Variants in PCDHA10 observed in about 807,000 individuals in gnomAD.
PCDHA10 encodes protocadherin alpha 10.
PCDHA10 carries 45 observed loss-of-function variants against 61.2 expected under a neutral mutation model. That is an observed-to-expected ratio of 0.74 (90% CI 0.58 to 0.94). PCDHA10 has a LOEUF of 0.94. PCDHA10 is among the 40% of genes least tolerant of loss of function. The probability of loss-of-function intolerance (pLI) is 0.00; values close to 1 mark genes in which losing one functional copy is unlikely to be tolerated. For synonymous variants in PCDHA10, 602 were observed against 548.8 expected (o/e 1.10, Z -1.35); for missense variants, 1,278 against 1,236.2 (o/e 1.03, Z -0.51).
rs2098422801 is a variant in PCDHA10, at chr5:141,012,055, C to T, written c.*2118C>T. On this transcript the variant is annotated 3_prime_UTR_variant, in exon 4 of 4. Coordinates refer to ENST00000307360, the MANE Select transcript of PCDHA10 (RefSeq NM_018901.4). ...GGATTGCATGGGGTAAAACTTGTTA[C>T]CAACACATGTGAACCATTGCTACAT... The T allele has an allele frequency of 6.5e-6, 1 of 153,666 alleles. No individual in the cohort carries two copies. Among genetic ancestry groups the T allele is most frequent in the African/African-American group, 2.4e-5 (1 of 41,404 alleles). 9.5% of individuals were successfully genotyped at this position (153,666 alleles called of 1,614,324 possible).
intron 1 of PCDHA10, among the ~76,000 whole-genome samples, chr5:140,951,625 A>T (rs2094607568): frequency 6.6e-6 from 1 of 152,114 alleles, no homozygotes; most frequent in African/African-American, 2.4e-5. Flanking sequence ...CAAGGGGGAA[A>T]CCTGCCCCAT....
intron 3 of PCDHA10, among the ~76,000 whole-genome samples, chr5:141,007,792 C>A (rs2098346636): frequency 6.6e-6 from 1 of 152,166 alleles, no homozygotes. Flanking sequence ...TACAAATTAG[C>A]CTTTATCTGC....
intron 3 of PCDHA10, among the ~76,000 whole-genome samples, chr5:140,996,245 G>A (rs2097718426): frequency 6.6e-6 from 1 of 152,220 alleles, no homozygotes; most frequent in South Asian, 2.1e-4. Context: ...AGGCTGAGAA[G>A]TGACAGCAAC....
Position 140,857,783 on chromosome 5 carries a change from C to G in PCDHA10, c.1735C>G (p.Leu579Val). The G allele has an allele frequency of 1.3e-6, 2 of 1,597,710 alleles. No homozygotes were observed. The highest frequency in any genetic ancestry group is 1.7e-4 in the Middle Eastern group (1 of 5,794). ...CAGCGCGGGCGGTGCAGTCAGTGAG[C>G]TGGTGCTGCGGTCGGTGGTTGCGGG... Reference protein sequence around the residue: ...AGSAGGAVSELVLRSVVAGHV... With the variant: ...AGSAGGAVSEVVLRSVVAGHV... Residue 579 changes from leucine (L) to valine (V), a missense_variant, in exon 1 of 4, where the codon CTG (leucine) becomes GTG (valine). Physicochemically the swap from Leu to Val is conservative, Grantham distance 32. Coordinates refer to ENST00000307360, the MANE Select transcript of PCDHA10 (RefSeq NM_018901.4).
intron 3 of PCDHA10, among the ~76,000 whole-genome samples, chr5:140,997,836 A>G (rs1335199291): frequency 3.3e-5 from 5 of 152,222 alleles, no homozygotes; most frequent in South Asian, 4.1e-4. Flanking sequence ...AAACAATACA[A>G]TATACATTCT....
At chr5:140,945,954 A>G (rs187878503) in intron 1 of PCDHA10, among the ~76,000 whole-genome samples, 130 of 152,264 alleles carry the variant, frequency 8.5e-4, no homozygotes, top group Non-Finnish European at 1.6e-3. Flanking sequence ...ATGACCCTGA[A>G]AGCACAGGCA....
chr5:140,924,872 G>A (rs1161649938), intron 1 of PCDHA10, among the ~76,000 whole-genome samples: 2 of 149,350 alleles, frequency 1.3e-5, no homozygotes, highest in South Asian at 2.1e-4. Context: ...TCCAGCCTGG[G>A]TGACAGAGCA....
At chr5:140,958,925 G>T (rs980567381) in intron 1 of PCDHA10, among the ~76,000 whole-genome samples, 1 of 144,748 alleles carries the variant, frequency 6.9e-6, no homozygotes, top group African/African-American at 2.6e-5. Flanking sequence ...GGGTGTGGTG[G>T]CTCATACTTG....
chr5:140,870,186 C>T (rs1362653742), intron 1 of PCDHA10: 7 of 1,614,152 alleles, frequency 4.3e-6, no homozygotes, highest in Non-Finnish European at 5.9e-6. Flanking sequence ...TACGAGAGGA[C>T]GCTCAGCCCA....
In PCDHA10 at chr5:141,005,071, G is replaced by A. The variant is rs115656219; in HGVS notation, c.2537-4556G>A. On this transcript the variant is annotated intron_variant, in intron 3 of 3. Coordinates refer to ENST00000307360, the MANE Select transcript of PCDHA10 (RefSeq NM_018901.4). ...TACTGAATTCTTGCATTGTGCTAAG[G>A]ATCAAGCTTAGTACTTTACATGCAT... 5.2e-3 allele frequency among the ~76,000 whole-genome samples: 796 copies of A among 152,278 alleles called. 8 individuals are homozygous for A. The highest frequency in any genetic ancestry group is 0.018 in the African/African-American group (745 of 41,556).
Position 140,857,146 on chromosome 5 carries a change from CGTCATTGCCCT to C in PCDHA10, c.1099_1109del (p.Val367AsnfsTer5). 1 of 1,598,132 alleles carries C rather than the reference CGTCATTGCCCT, an allele frequency of 6.3e-7. No homozygotes were observed. Among genetic ancestry groups the C allele is most frequent in the Non-Finnish European group, 8.6e-7 (1 of 1,167,626 alleles). Reference sequence around the variant, plus strand: ...TGAAAGAAGATGCTCAAGTGGGCACCGTCATTGCCCTAATCAGCGTTTCTGACCATGATTCA... The same window carrying C: ...TGAAAGAAGATGCTCAAGTGGGCACCAATCAGCGTTTCTGACCATGATTCA... On this transcript the variant is annotated frameshift_variant, in exon 1 of 4. Coordinates refer to ENST00000307360, the MANE Select transcript of PCDHA10 (RefSeq NM_018901.4). LOFTEE classifies it high-confidence loss of function.
intron 1 of PCDHA10, chr5:140,877,161 G>A: frequency 6.2e-7 from 1 of 1,613,828 alleles, no homozygotes; most frequent in South Asian, 1.1e-5. Context: ...ACAACGCGCC[G>A]GCACTGCTGG....
intron 1 of PCDHA10, among the ~76,000 whole-genome samples, chr5:140,947,763 A>C (rs1392881813): frequency 1.3e-5 from 2 of 151,658 alleles, no homozygotes; most frequent in Non-Finnish European, 3.0e-5. Context: ...TGGTTTAAAA[A>C]ATTCTATTGT....
chr5:140,894,675 A>G lies in PCDHA10; in HGVS notation c.2388+36239A>G, dbSNP rs78197412. Reference sequence around the variant, plus strand: ...CTAATTCTGATTTGTGTATTCTTGCATAGCTTTTCATTATTTTCTAAAAAT... The same window carrying G: ...CTAATTCTGATTTGTGTATTCTTGCGTAGCTTTTCATTATTTTCTAAAAAT... On this transcript the variant is annotated intron_variant, in intron 1 of 3. Coordinates refer to ENST00000307360, the MANE Select transcript of PCDHA10 (RefSeq NM_018901.4). 4.6e-3 allele frequency among the ~76,000 whole-genome samples: 702 copies of G among 151,998 alleles called. 3 individuals carry two copies. The highest frequency in any genetic ancestry group is 0.016 in the African/African-American group (679 of 41,480).
intron 1 of PCDHA10, chr5:140,927,597 C>T (rs781933372): frequency 1.2e-6 from 2 of 1,614,200 alleles, no homozygotes; most frequent in South Asian, 1.1e-5. Context: ...TATTTGAGCG[C>T]TCCGTATACC....
chr5:140,869,157 TCTC>T (rs1201897612), intron 1 of PCDHA10: 2 of 1,613,798 alleles, frequency 1.2e-6, no homozygotes, highest in South Asian at 1.1e-5. Context: ...AGCTCTGGCT[TCTC>T]CTCCTCGAAT....
At chr5:140,874,111 G>A (rs977519429) in intron 1 of PCDHA10, among the ~76,000 whole-genome samples, 2 of 152,174 alleles carry the variant, frequency 1.3e-5, no homozygotes, top group African/African-American at 2.4e-5. Flanking sequence ...ATTACTTAAC[G>A]TTTTATAGTT....
At chr5:140,871,306 AAGCCCAC>A in intron 1 of PCDHA10, 1 of 1,613,964 alleles carries the variant, frequency 6.2e-7, no homozygotes, top group East Asian at 2.2e-5. Flanking sequence ...CGCGCCGGGG[AAGCCCAC>A]GCTGGTGTGC....
At position 140,856,611 on chromosome 5, in the gene PCDHA10, A is replaced by T. The variant is rs782801357; in HGVS notation, c.563A>T (p.Asp188Val). ...GATATTATAAACAAAAAAGACAAAG[A>T]CAAATTCCCAGTGCTTGTTCTGCGG... ...VLDIINKKDK[D>V]KFPVLVLRKL... The change falls in exon 1 of 4, where the codon GAC becomes GTC. Residue 188 changes from aspartate (D) to valine (V), a missense_variant. Asp to Val is a radical substitution (Grantham distance 152, BLOSUM62 -3). Coordinates refer to ENST00000307360, the MANE Select transcript of PCDHA10 (RefSeq NM_018901.4). The T allele has an allele frequency of 1.3e-6, 2 of 1,598,100 alleles. No homozygotes were observed. Among genetic ancestry groups the T allele is most frequent in the Non-Finnish European group, 1.7e-6 (2 of 1,167,562 alleles).
Sources: allele counts gnomAD v4.1 joint callset (sites outside exome capture counted in the v4.1 genomes callset), GRCh38; gene constraint gnomAD v4.1.1; transcripts MANE v1.5; gene names NCBI Gene and HGNC (gene_info 2026-07-23, HGNC 2026-07-21).